Variants in KCTD19 observed in about 807,000 individuals in gnomAD.
KCTD19 encodes BTB/POZ domain-containing protein KCTD19.
Under a neutral mutation model 103.5 loss-of-function variants are expected in KCTD19, and 67 were observed. The observed-to-expected ratio is 0.65, with a 90% CI of 0.53 to 0.79. KCTD19 has a LOEUF of 0.79. Among genes scored for constraint, KCTD19 ranks in the 30% least tolerant of loss-of-function variants. The pLI, the probability that KCTD19 is intolerant of heterozygous loss-of-function variation, is 0.00. For synonymous variants in KCTD19, 439 were observed against 452.2 expected (o/e 0.97, Z 0.37); for missense variants, 980 against 1,136.1 (o/e 0.86, Z 1.98).
intron 2 of KCTD19, among the ~76,000 whole-genome samples, chr16:67,312,621 A>G (rs2036960714): frequency 6.6e-6 from 1 of 152,020 alleles, no homozygotes; most frequent in African/African-American, 2.4e-5. Context: ...CAAACTCAAC[A>G]TGTTCAGATC....
At chr16:67,314,824 TATATATAGAGAGAG>T (rs1283561011) in intron 2 of KCTD19, among the ~76,000 whole-genome samples, 676 of 60,948 alleles carry the variant, frequency 0.011, 4 homozygotes, top group Non-Finnish European at 0.015. Flanking sequence ...TATATATATA[TATATATAGAGAGAG>T]AGAGAGAGAG....
At position 67,299,629 on chromosome 16, in the gene KCTD19, G is replaced by A. The variant is rs753178166; in HGVS notation, c.776-56C>T. ...GCCCCCCATGGTCATAGCTGGATTG[G>A]AGGCTTTGGGGCTCGGTTCCTACTG... On this transcript the variant is annotated intron_variant, in intron 5 of 15. Transcript: ENST00000304372. The A allele has an allele frequency of 8.0e-6, 12 of 1,499,458 alleles. No homozygotes were observed. The East Asian group carries it at 2.5e-4, about 31-fold the overall frequency. 92.9% of individuals were successfully genotyped at this position (1,499,458 alleles called of 1,614,324 possible).
intron 1 of KCTD19, among the ~76,000 whole-genome samples, chr16:67,325,542 C>T (rs2037142547): frequency 6.6e-6 from 1 of 152,046 alleles, no homozygotes; most frequent in Non-Finnish European, 1.5e-5. Flanking sequence ...ACGCCCAGCC[C>T]ACCCTCTTTT....
At chr16:67,291,598 G>T (rs747905811) in intron 13 of KCTD19, 48 bp downstream of exon 13, 4 of 1,584,982 alleles carry the variant, frequency 2.5e-6, no homozygotes, top group Middle Eastern at 1.7e-4. Flanking sequence ...GGGGGCTCAG[G>T]CATCCTCACG....
chr16:67,326,737 C>G lies in KCTD19; in HGVS notation c.-30G>C, dbSNP rs565026949. On this transcript the variant is annotated 5_prime_UTR_variant, in exon 1 of 16. Transcript: ENST00000304372. Reference sequence around the variant, plus strand: ...GCGGCTCCAGCAGCGGGCGGGCGGGCTTGTGACCCGGCCAATAACGGTTCC... The same window carrying G: ...GCGGCTCCAGCAGCGGGCGGGCGGGGTTGTGACCCGGCCAATAACGGTTCC... The G allele has an allele frequency of 5.8e-6, 9 of 1,564,904 alleles. No individual in the cohort carries two copies. In the South Asian group the frequency reaches 1.0e-4, roughly 18 times the overall value.
intron 2 of KCTD19, among the ~76,000 whole-genome samples, chr16:67,306,201 T>C (rs1425618147): frequency 6.6e-6 from 1 of 152,182 alleles, no homozygotes; most frequent in African/African-American, 2.4e-5. Context: ...AATTTACGTA[T>C]ACTGAGATTA....
chr16:67,292,958 G>C (rs1384026841), intron 12 of KCTD19, among the ~76,000 whole-genome samples: 12 of 152,030 alleles, frequency 7.9e-5, no homozygotes, highest in Admixed American at 7.9e-4. Context: ...TACCTGCCTA[G>C]CCTGCTTCCC....
rs745605880 is a variant in KCTD19, at chr16:67,293,878, G to A, written c.1884C>T (p.Pro628=). 9 of 1,613,308 alleles carry A rather than the reference G, an allele frequency of 5.6e-6. No homozygotes were observed. The highest frequency in any genetic ancestry group is 5.3e-5 in the African/African-American group (4 of 74,918). ...LTQKSETKDP[P]ATPMQKLISL... The stretch of plus-strand genomic sequence containing the variant: ...AGATGAGTTTTTGCATGGGAGTGGC[G>A]GGAGGGTCTTTGGTTTCAGATTTCT... The change falls in exon 12 of 16, where the codon CCC becomes CCT. Residue 628 remains proline (P), a synonymous_variant. Coordinates refer to ENST00000304372, the MANE Select transcript of KCTD19 (RefSeq NM_001100915.3). The surrounding 1 kb of genome is among the most constrained non-coding windows in gnomAD (Gnocchi z 4.0).
chr16:67,312,738 C>G (rs553255680), intron 2 of KCTD19, among the ~76,000 whole-genome samples: 114 of 152,304 alleles, frequency 7.5e-4, no homozygotes, highest in African/African-American at 2.7e-3. Context: ...CTCTCTCACC[C>G]TACATTCAAT....
chr16:67,296,136 A>C (rs1199141416), intron 8 of KCTD19, 23 bp downstream of exon 8: 3 of 1,425,118 alleles, frequency 2.1e-6, no homozygotes, highest in Admixed American at 3.3e-5. Flanking sequence ...GATGGGGAGC[A>C]GGGCAGCCGA....
At position 67,289,627 on chromosome 16, in the gene KCTD19, C is replaced by T. The variant is rs2036647063; in HGVS notation, c.2723G>A (p.Arg908Lys). 3.1e-6 allele frequency: 5 copies of T among 1,614,138 alleles called. No homozygotes were observed. Among genetic ancestry groups the T allele is most frequent in the Non-Finnish European group, 4.2e-6 (5 of 1,180,020 alleles). ...YGRCMDLLIQ[R>K]GLSRSVSYSI... ...GTAAGAGACAGACCTAGACAGGCCC[C>T]TCTGGATGAGCAGGTCCATGCATCG... The change falls in exon 16 of 16, where the codon AGG becomes AAG. Residue 908 changes from arginine (R) to lysine (K), a missense_variant. Physicochemically the swap from Arg to Lys is conservative, Grantham distance 26. Transcript: ENST00000304372.
Position 67,289,524 on chromosome 16 carries a change from T to G in KCTD19, c.*45A>C. The G allele has an allele frequency of 1.4e-5, 16 of 1,171,018 alleles. No individual in the cohort carries two copies. The highest frequency in any genetic ancestry group is 2.3e-5 in the East Asian group (1 of 42,556). The allele number at this position is 1,171,018 out of a possible 1,614,324, so 72.5% of individuals were successfully genotyped here. A position where few individuals can be genotyped will look rare whatever the true frequency, so the allele number is the denominator to read the frequency against. ...CATTCTGGGCTATCTCCAATTAAAA[T>G]GAGACTTGGCGGGTGGGGCATGAGG... On this transcript the variant is annotated 3_prime_UTR_variant, in exon 16 of 16. Coordinates refer to ENST00000304372, the MANE Select transcript of KCTD19 (RefSeq NM_001100915.3).
chr16:67,309,834 T>C (rs1018518753), intron 2 of KCTD19, among the ~76,000 whole-genome samples: 3 of 152,180 alleles, frequency 2.0e-5, no homozygotes, highest in African/African-American at 7.2e-5. Flanking sequence ...GGAGATGTGC[T>C]AGTTGAGGAG....
chr16:67,294,882 G>T, intron 10 of KCTD19, 91 bp downstream of exon 10: 1 of 1,137,098 alleles, frequency 8.8e-7, no homozygotes. Flanking sequence ...AAGGAGATCA[G>T]GATCCTCTAG....
chr16:67,315,637 A>G (rs1428059009), intron 2 of KCTD19, among the ~76,000 whole-genome samples: 1 of 152,112 alleles, frequency 6.6e-6, no homozygotes, highest in Non-Finnish European at 1.5e-5. Context: ...GCACGACACC[A>G]TGCCCGGCTA....
intron 2 of KCTD19, among the ~76,000 whole-genome samples, chr16:67,306,774 C>T (rs1228868594): frequency 6.6e-6 from 1 of 152,192 alleles, no homozygotes; most frequent in Non-Finnish European, 1.5e-5. Context: ...GTAGGGTATA[C>T]ACGAAAAGAA....
intron 2 of KCTD19, among the ~76,000 whole-genome samples, chr16:67,319,140 T>C (rs1341324146): frequency 6.6e-6 from 1 of 151,896 alleles, no homozygotes; most frequent in Non-Finnish European, 1.5e-5. Flanking sequence ...GGAGAATCAC[T>C]TGAACCTGGG....
chr16:67,300,499 G>T lies in KCTD19; in HGVS notation c.776-926C>A, dbSNP rs1298756202. On this transcript the variant is annotated intron_variant, in intron 5 of 15. Coordinates refer to ENST00000304372, the MANE Select transcript of KCTD19 (RefSeq NM_001100915.3). The surrounding 1 kb of genome is among the most constrained non-coding windows in gnomAD (Gnocchi z 4.5). ...TCTTTGCATTGCTCTGTGGAGCAGGGACTACGCTACCATCTCACAATGATC... is the reference window on the plus strand; with the variant it reads ...TCTTTGCATTGCTCTGTGGAGCAGGTACTACGCTACCATCTCACAATGATC... 2.6e-5 allele frequency: 4 copies of T among 152,242 alleles called. No individual in the cohort carries two copies. Among genetic ancestry groups the T allele is most frequent in the Admixed American group, 2.6e-4 (4 of 15,282 alleles). 9.4% of individuals were successfully genotyped at this position (152,242 alleles called of 1,614,324 possible). A position where few individuals can be genotyped will look rare whatever the true frequency, so the allele number is the denominator to read the frequency against.
chr16:67,314,897 C>A (rs113059310), intron 2 of KCTD19, among the ~76,000 whole-genome samples: 11,597 of 116,392 alleles, frequency 0.1, 984 homozygotes, highest in African/African-American at 0.25. Context: ...GCTTTGTCAC[C>A]CAGGCTGGAA....
Sources: allele counts gnomAD v4.1 joint callset (sites outside exome capture counted in the v4.1 genomes callset), GRCh38; gene constraint gnomAD v4.1.1; non-coding constraint Gnocchi (gnomAD v3.1); transcripts MANE v1.5; gene names NCBI Gene and HGNC (gene_info 2026-07-23, HGNC 2026-07-21).